ARID5B: variants seen among roughly 807,000 people sequenced by gnomAD.
ARID5B encodes AT-rich interaction domain 5B.
ARID5B carries 13 observed loss-of-function variants against 97.2 expected under a neutral mutation model. The observed-to-expected ratio is 0.13, with a 90% CI of 0.09 to 0.21. The LOEUF is 0.21. Ranked by LOEUF, ARID5B falls within the 10% of genes least tolerant of loss-of-function variation. ARID5B has a pLI of 1.00. For synonymous variants in ARID5B, 556 were observed against 570.3 expected (o/e 0.97, Z 0.36); for missense variants, 1,210 against 1,465.3 (o/e 0.83, Z 2.84).
chr10:61,914,067 C>A (rs1044057083), intron 2 of ARID5B, among the ~76,000 whole-genome samples: 1 of 152,192 alleles, frequency 6.6e-6, no homozygotes, highest in Non-Finnish European at 1.5e-5. Flanking sequence ...TGACAGGATA[C>A]TTAGCAGAGA....
chr10:62,043,766 T>G (rs963630372), intron 4 of ARID5B, among the ~76,000 whole-genome samples: 8 of 152,192 alleles, frequency 5.3e-5, no homozygotes, highest in Non-Finnish European at 1.0e-4. Context: ...TACTAAAACC[T>G]TGATCAGGAG....
chr10:62,023,691 G>A (rs868271204), intron 4 of ARID5B, among the ~76,000 whole-genome samples: 21 of 152,194 alleles, frequency 1.4e-4, no homozygotes, highest in South Asian at 4.1e-4. Context: ...GACAAGTAGC[G>A]ATGTGATATT....
In ARID5B at chr10:62,091,566, G is replaced by A. The variant is rs769330538; in HGVS notation, c.2103G>A (p.Gly701=). 8 of 1,612,758 alleles carry A rather than the reference G, an allele frequency of 5.0e-6. No individual in the cohort carries two copies. The South Asian group carries it at 8.8e-5, about 18-fold the overall frequency. Residue 701 remains glycine, a synonymous_variant, in exon 10 of 10, where the codon GGG becomes GGA. Transcript: ENST00000279873. ...AAAAGCTTTTGTCCCAAGTGAGTGG[G>A]GCCAGCCTCTCCAGCAGCTACCCTT... The part of the protein sequence containing the change: ...AKKKLLSQVS[G]ASLSSSYPYG...
intron 2 of ARID5B, among the ~76,000 whole-genome samples, chr10:61,939,187 A>G (rs1328037513): frequency 6.6e-6 from 1 of 152,180 alleles, no homozygotes; most frequent in Non-Finnish European, 1.5e-5. Context: ...TTCACAGCCA[A>G]GCTTTCTTCA....
chr10:62,009,499 C>T (rs1839189487), intron 4 of ARID5B, among the ~76,000 whole-genome samples: 1 of 152,070 alleles, frequency 6.6e-6, no homozygotes, highest in African/African-American at 2.4e-5. Context: ...AAAAATCTTG[C>T]ATTTTACCCA....
chr10:62,045,536 C>T (rs1364895656), intron 4 of ARID5B, among the ~76,000 whole-genome samples: 4 of 151,698 alleles, frequency 2.6e-5, no homozygotes, highest in Non-Finnish European at 4.4e-5. Context: ...CCACAACCAC[C>T]GCCTCCCGGG....
intron 2 of ARID5B, among the ~76,000 whole-genome samples, chr10:61,905,829 AAC>A (rs1843698478): frequency 6.6e-6 from 1 of 152,226 alleles, no homozygotes; most frequent in Non-Finnish European, 1.5e-5. Context: ...ATATAATGAT[AAC>A]AGTTATATTT....
At chr10:61,999,686 A>G (rs1839050226) in intron 3 of ARID5B, among the ~76,000 whole-genome samples, 1 of 152,218 alleles carries the variant, frequency 6.6e-6, no homozygotes, top group East Asian at 1.9e-4. Context: ...AATCCAATAT[A>G]AGAGCAATTC....
intron 8 of ARID5B, among the ~76,000 whole-genome samples, chr10:62,073,001 A>G (rs1000003891): frequency 2.0e-5 from 3 of 152,230 alleles, no homozygotes; most frequent in African/African-American, 2.4e-5. Flanking sequence ...TAAAACAGAG[A>G]TGACTGGATT....
At chr10:61,937,858 T>C (rs1844333205) in intron 2 of ARID5B, among the ~76,000 whole-genome samples, 2 of 152,274 alleles carry the variant, frequency 1.3e-5, no homozygotes, top group East Asian at 1.9e-4. Flanking sequence ...TGTTGGCTAC[T>C]TTTTGTTTTC....
intron 2 of ARID5B, among the ~76,000 whole-genome samples, chr10:61,910,966 C>T (rs1024485401): frequency 3.3e-5 from 5 of 152,172 alleles, no homozygotes; most frequent in East Asian, 1.9e-4. Flanking sequence ...GAACCCCAGG[C>T]GGCAAAGGCC....
intron 9 of ARID5B, among the ~76,000 whole-genome samples, chr10:62,090,147 TC>T (rs746283897): frequency 6.6e-6 from 1 of 152,256 alleles, no homozygotes; most frequent in East Asian, 1.9e-4. Context: ...GCACTGACTG[TC>T]TGAATTTTGA....
At chr10:62,062,849 GA>G (rs1425676219) in intron 7 of ARID5B, among the ~76,000 whole-genome samples, 1 of 147,266 alleles carries the variant, frequency 6.8e-6, no homozygotes, top group Non-Finnish European at 1.5e-5. Flanking sequence ...TTACAAGCGA[GA>G]AAACTGAGGC....
Position 61,963,921 on chromosome 10 carries a change from A to C in ARID5B, c.502+23513A>C, listed in dbSNP as rs1024620782. On this transcript the variant is annotated intron_variant, in intron 3 of 9. Transcript: ENST00000279873. ...TCAGTTAAAGGAGCTTAACACAGAGACAGATGTGCCTGGTGTGAAAAACAT... is the reference window on the plus strand; with the variant it reads ...TCAGTTAAAGGAGCTTAACACAGAGCCAGATGTGCCTGGTGTGAAAAACAT... Among the ~76,000 whole-genome samples, 6 of 152,224 alleles carry C rather than the reference A, an allele frequency of 3.9e-5. No homozygotes were observed. The South Asian group carries it at 1.2e-3, about 32-fold the overall frequency.
At position 62,091,606 on chromosome 10, in the gene ARID5B, C is replaced by T. The variant is rs141997585; in HGVS notation, c.2143C>T (p.Pro715Ser). 3.7e-6 allele frequency: 6 copies of T among 1,613,540 alleles called. No individual in the cohort carries two copies. In the Admixed American group the frequency reaches 5.0e-5, roughly 13 times the overall value. ...SSSYPYGSPP[P>S]LISKKKLIAR... is the part of the protein sequence containing the mutation. ...CAGCTACCCTTATGGCTCCCCACCC[C>T]CTTTGATCAGCAAAAAGAAACTGAT... Residue 715 changes from proline (P) to serine (S), a missense_variant, in exon 10 of 10, where the codon CCT (proline) becomes TCT (serine). Pro to Ser is a moderately conservative substitution (Grantham distance 74). Around this residue, in one of 8 missense-constraint regions of ARID5B, gnomAD observed 800 missense variants for 839.1 expected, o/e 0.95. Transcript: ENST00000279873.
At position 61,920,398 on chromosome 10, in the gene ARID5B, C is replaced by T. The variant is rs187681056; in HGVS notation, c.276+17985C>T. On this transcript the variant is annotated intron_variant, in intron 2 of 9. Coordinates refer to ENST00000279873, the MANE Select transcript of ARID5B (RefSeq NM_032199.3). The stretch of plus-strand genomic sequence containing the variant: ...AGGCAGGAGTGCAATGGCGCAATCT[C>T]GGCTCACTACAACCTCCGCCTCCTG... Among the ~76,000 whole-genome samples, 319 of 150,680 alleles carry T rather than the reference C, an allele frequency of 2.1e-3. 5 individuals are homozygous for T. Among genetic ancestry groups the T allele is most frequent in the East Asian group, 5.9e-3 (30 of 5,106 alleles).
chr10:62,019,232 C>T (rs964308040), intron 4 of ARID5B, among the ~76,000 whole-genome samples: 13 of 152,148 alleles, frequency 8.5e-5, no homozygotes, highest in African/African-American at 3.1e-4. Context: ...ATTAAACCCA[C>T]TCAAAAAAGA....
At chr10:62,047,257 A>T (rs776330254) in intron 4 of ARID5B, among the ~76,000 whole-genome samples, 1 of 152,196 alleles carries the variant, frequency 6.6e-6, no homozygotes, top group African/African-American at 2.4e-5. Flanking sequence ...CACTCAGAAG[A>T]GTGACTTGTA....
At chr10:61,966,648 G>A (rs758072285) in intron 3 of ARID5B, among the ~76,000 whole-genome samples, 3 of 152,076 alleles carry the variant, frequency 2.0e-5, no homozygotes, top group African/African-American at 7.2e-5. Flanking sequence ...TAAGATGAGG[G>A]TATAAACTCT....
Sources: gnomAD v4.1 joint callset for allele counts (sites outside exome capture counted in the v4.1 genomes callset) on GRCh38, gnomAD v4.1.1 for gene constraint, gnomAD v4.1.1 regional missense constraint, MANE v1.5 for transcripts, NCBI Gene and HGNC (gene_info 2026-07-23, HGNC 2026-07-21) for gene names.